Variants in FAT3 observed in about 807,000 individuals in gnomAD.
The protein encoded by FAT3 is FAT atypical cadherin 3, also known as protocadherin Fat 3.
FAT3 carries 95 observed loss-of-function variants against 310.2 expected under a neutral mutation model. That is an observed-to-expected ratio of 0.31 (90% CI 0.26 to 0.36). The LOEUF (loss-of-function observed/expected upper bound fraction) is 0.36, where lower values mean the gene tolerates loss of function less well. FAT3 is among the 10% of genes least tolerant of loss of function. The pLI is 1.00. For synonymous variants in FAT3, 2,314 were observed against 2,192.9 expected, an observed-to-expected ratio of 1.06 and a Z score of -1.54; for missense variants, 5,408 against 5,715.6, an observed-to-expected ratio of 0.95 and a Z score of 1.74.
intron 24 of FAT3, among the ~76,000 whole-genome samples, chr11:92,886,329 G>GTT (rs1949795815): frequency 4.6e-5 from 1 of 21,872 alleles, no homozygotes; most frequent in Non-Finnish European, 1.3e-4. Context: ...AGTAGCCCTG[G>GTT]TGTGTGTGTG....
In FAT3 at chr11:92,887,181, G is replaced by A. The variant is rs1276885460; in HGVS notation, c.13051+68G>A. The A allele has an allele frequency of 3.7e-6, 5 of 1,368,934 alleles. No individual in the cohort carries two copies. The East Asian group carries it at 1.2e-4, about 34-fold the overall frequency. The allele number at this position is 1,368,934 out of a possible 1,614,324, so 84.8% of individuals were successfully genotyped here. A position where few individuals can be genotyped will look rare whatever the true frequency, so the allele number is the denominator to read the frequency against. ...TCCTGTTCTGGAAGACCATGGTTGG[G>A]AGGAGGGTGGTGCAACTGGCTTTGT... On this transcript the variant is annotated intron_variant, in intron 25 of 27. Transcript: ENST00000525166.
intron 2 of FAT3, among the ~76,000 whole-genome samples, chr11:92,472,111 C>T (rs1951926263): frequency 6.6e-6 from 1 of 151,870 alleles, no homozygotes; most frequent in Admixed American, 6.6e-5. Context: ...TATAGTGACA[C>T]TGTGTGGAGC....
chr11:92,547,145 G>T (rs1295280782), intron 3 of FAT3, among the ~76,000 whole-genome samples: 1 of 152,098 alleles, frequency 6.6e-6, no homozygotes, highest in Non-Finnish European at 1.5e-5. Context: ...TTGAAGTTCT[G>T]GCTGGAAGCT....
chr11:92,272,474 CA>C (rs2134339725), intron 1 of FAT3, among the ~76,000 whole-genome samples: 1 of 152,162 alleles, frequency 6.6e-6, no homozygotes, highest in Non-Finnish European at 1.5e-5. Flanking sequence ...ATAAATGAGA[CA>C]TGGATCCTAT....
intron 3 of FAT3, 107 bp downstream of exon 3, chr11:92,525,055 C>A: frequency 1.1e-6 from 1 of 945,666 alleles, no homozygotes; most frequent in Non-Finnish European, 1.6e-6. Context: ...AGAATAGCAT[C>A]TTCCTTTCTG....
chr11:92,359,059 G>A (rs1370925416), intron 2 of FAT3, among the ~76,000 whole-genome samples: 1 of 152,130 alleles, frequency 6.6e-6, no homozygotes, highest in Non-Finnish European at 1.5e-5. Flanking sequence ...AACAAATGCA[G>A]ATTCCCAGGC....
At chr11:92,878,339 C>T (rs1158082333) in intron 22 of FAT3, among the ~76,000 whole-genome samples, 1 of 151,900 alleles carries the variant, frequency 6.6e-6, no homozygotes, top group African/African-American at 2.4e-5. Flanking sequence ...TTTTGTCATA[C>T]CCAAGTGAGA....
intron 2 of FAT3, among the ~76,000 whole-genome samples, chr11:92,496,152 T>C (rs1201095625): frequency 2.0e-5 from 3 of 152,046 alleles, no homozygotes; most frequent in Non-Finnish European, 4.4e-5. Flanking sequence ...CCGTCTTACC[T>C]ACCGAATGGA....
At chr11:92,466,906 A>G (rs1477088594) in intron 2 of FAT3, among the ~76,000 whole-genome samples, 1 of 151,994 alleles carries the variant, frequency 6.6e-6, no homozygotes, top group Admixed American at 6.6e-5. Flanking sequence ...TACAAAGGAC[A>G]TGAACTCATC....
intron 3 of FAT3, among the ~76,000 whole-genome samples, chr11:92,538,766 C>T (rs574223266): frequency 6.6e-6 from 1 of 152,196 alleles, no homozygotes; most frequent in African/African-American, 2.4e-5. Flanking sequence ...GCTACTGCCA[C>T]ACAGCTTTAA....
chr11:92,545,314 A>G (rs1954580811), intron 3 of FAT3, among the ~76,000 whole-genome samples: 1 of 152,118 alleles, frequency 6.6e-6, no homozygotes, highest in Non-Finnish European at 1.5e-5. Flanking sequence ...GCTCATCACT[A>G]TCTAACAAGG....
chr11:92,833,004 A>G (rs868469727), intron 14 of FAT3, among the ~76,000 whole-genome samples: 2 of 152,192 alleles, frequency 1.3e-5, no homozygotes, highest in Non-Finnish European at 2.9e-5. Context: ...TAGGAAATAA[A>G]AAGGTGCTTC....
chr11:92,642,534 C>T (rs1226346542), intron 3 of FAT3, among the ~76,000 whole-genome samples: 1 of 152,234 alleles, frequency 6.6e-6, no homozygotes, highest in Admixed American at 6.5e-5. Flanking sequence ...AGAGAATTCA[C>T]AGACTATATT....
chr11:92,828,631 G>A (rs1031719049), intron 13 of FAT3, among the ~76,000 whole-genome samples: 1 of 152,100 alleles, frequency 6.6e-6, no homozygotes, highest in Admixed American at 6.5e-5. Context: ...CTTGCAGGGG[G>A]AAGGGATGGT....
chr11:92,521,963 G>C (rs567245828), intron 2 of FAT3, among the ~76,000 whole-genome samples: 1 of 151,990 alleles, frequency 6.6e-6, no homozygotes, highest in Non-Finnish European at 1.5e-5. Context: ...CCTTAATAAA[G>C]ATCTGTGTTC....
At chr11:92,597,063 C>G (rs1939748337) in intron 3 of FAT3, among the ~76,000 whole-genome samples, 2 of 152,150 alleles carry the variant, frequency 1.3e-5, no homozygotes, top group Admixed American at 1.3e-4. Flanking sequence ...GGCTTGCACA[C>G]TGTATTAATG....
Position 92,798,622 on chromosome 11 carries a change from A to C in FAT3, c.5609A>C (p.Asn1870Thr). Residue 1870 changes from asparagine to threonine, a missense_variant, in exon 10 of 28, where the codon AAC becomes ACC. By Grantham distance (65) the Asn-to-Thr change is moderately conservative. This residue lies in a region of FAT3 where 4,588 missense variants were observed against 4,809.8 expected (regional missense o/e 0.95). Coordinates refer to ENST00000525166, the MANE Select transcript of FAT3 (RefSeq NM_001367949.2). ...QLTAESPVEVNIEVTDVNDNP... is the reference protein window; with the variant it reads ...QLTAESPVEVTIEVTDVNDNP... ...ACTGCAGAGAGTCCCGTTGAAGTCA[A>C]CATTGAGGTGACAGATGTGAATGAT... 2 of 1,613,858 alleles carry C rather than the reference A, an allele frequency of 1.2e-6. No individual in the cohort carries two copies. Among genetic ancestry groups the C allele is most frequent in the Non-Finnish European group, 1.7e-6 (2 of 1,179,862 alleles).
At chr11:92,584,675 G>A (rs1939038663) in intron 3 of FAT3, among the ~76,000 whole-genome samples, 1 of 151,974 alleles carries the variant, frequency 6.6e-6, no homozygotes, top group Non-Finnish European at 1.5e-5. Context: ...TGATGGAGAT[G>A]GTAGAAAAGG....
At chr11:92,866,340 G>A (rs892488114) in intron 21 of FAT3, among the ~76,000 whole-genome samples, 1 of 152,206 alleles carries the variant, frequency 6.6e-6, no homozygotes, top group Non-Finnish European at 1.5e-5. Context: ...TATAGTAGAT[G>A]TTCAATAAAT....
Sources: gnomAD v4.1 joint callset for allele counts (sites outside exome capture counted in the v4.1 genomes callset) on GRCh38, gnomAD v4.1.1 for gene constraint, gnomAD v4.1.1 regional missense constraint, MANE v1.5 for transcripts, NCBI Gene and HGNC (gene_info 2026-07-23, HGNC 2026-07-21) for gene names.